OTUD5: variants seen among roughly 807,000 people sequenced by gnomAD.
OTUD5 encodes OTU domain-containing protein 5.
In OTUD5, 2 loss-of-function variants were observed where a neutral mutation model predicts 36.3. That is an observed-to-expected ratio of 0.06 (90% CI 0.02 to 0.17). The LOEUF (loss-of-function observed/expected upper bound fraction) is 0.17. Among genes scored for constraint, OTUD5 ranks in the 10% least tolerant of loss-of-function variants. OTUD5 has a pLI of 1.00. For missense variants in OTUD5, 233 were observed against 512.3 expected (o/e 0.45, Z 5.26); for synonymous variants, 234 against 214.9 (o/e 1.09, Z -0.78).
At chrX:48,927,321 C>T (rs1490245039) in intron 5 of OTUD5, among the ~76,000 whole-genome samples, 1 of 110,811 alleles carries the variant, frequency 9.0e-6, no homozygotes, top group African/African-American at 3.3e-5. Flanking sequence ...CACCTGGTGT[C>T]CATCCTCCAA....
In OTUD5 at chrX:48,957,034, G is replaced by A. The variant is rs782248683; in HGVS notation, c.537C>T (p.Asp179=). ...EEVGAGYNSE[D]EYEAAAARIE... is the part of the protein sequence containing the mutation. ...TGCGTGCTGCAGCCGCCTCATACTC[G>A]TCCTCACTGTTGTAGCCTGCGCCGA... The change falls in exon 1 of 9, where the codon GAC becomes GAT. Residue 179 remains aspartate, a synonymous_variant. Transcript: ENST00000376488. The A allele has an allele frequency of 5.0e-5, 60 of 1,199,068 alleles. No homozygotes were observed. The highest frequency in any genetic ancestry group is 6.3e-5 in the Non-Finnish European group (56 of 890,364).
rs2063596113 is a variant in OTUD5, at chrX:48,922,451, C to T, written c.*723G>A. On this transcript the variant is annotated 3_prime_UTR_variant, in exon 9 of 9. Transcript: ENST00000376488. ...TTTCATTGTCCAAGCCGGCCTGACA[C>T]CTGCCGCCCTGCCCTTGCCCAGTGC... The T allele has an allele frequency of 5.3e-5, 35 of 664,937 alleles. No homozygotes were observed. Among genetic ancestry groups the T allele is most frequent in the Non-Finnish European group, 5.4e-5 (30 of 559,085 alleles). 54.8% of individuals were successfully genotyped at this position (664,937 alleles called of 1,213,427 possible).
At chrX:48,936,516 G>C (rs1557050000) in intron 2 of OTUD5, among the ~76,000 whole-genome samples, 1 of 111,276 alleles carries the variant, frequency 9.0e-6, no homozygotes, top group African/African-American at 3.3e-5. Flanking sequence ...CAAAGTGCCT[G>C]GATTACAGGT....
At chrX:48,943,980 C>G (rs2063978341) in intron 2 of OTUD5, among the ~76,000 whole-genome samples, 1 of 111,987 alleles carries the variant, frequency 8.9e-6, no homozygotes, top group Admixed American at 9.5e-5. Context: ...CTTTATCATT[C>G]TTCTTGCTGT....
chrX:48,930,593 G>A (rs781945799), intron 5 of OTUD5, among the ~76,000 whole-genome samples: 2 of 112,062 alleles, frequency 1.8e-5, no homozygotes, highest in Middle Eastern at 4.7e-3. Context: ...ACCTGATATC[G>A]AAGAGCACAT....
Position 48,957,342 on chromosome X carries a change from C to G in OTUD5, c.229G>C (p.Ala77Pro). 1.8e-6 allele frequency: 2 copies of G among 1,130,637 alleles called. No individual in the cohort carries two copies. Among genetic ancestry groups the G allele is most frequent in the Non-Finnish European group, 2.3e-6 (2 of 863,982 alleles). The allele number at this position is 1,130,637 out of a possible 1,213,427, so 93.2% of individuals were successfully genotyped here. A position where few individuals can be genotyped will look rare whatever the true frequency, so the allele number is the denominator to read the frequency against. The stretch of plus-strand genomic sequence containing the variant: ...ACGGCCAGCGCCCAGCGATGAAGAG[C>G]GCCCGGCGGTCCTGGTAGCGGGCCT... ...PQGPLPGPPG[A>P]LHRWALAVPP... The change falls in exon 1 of 9, where the codon GCT becomes CCT. Residue 77 changes from alanine to proline, a missense_variant. Physicochemically the swap from Ala to Pro is conservative, Grantham distance 27 (BLOSUM62 -1). Transcript: ENST00000376488.
chrX:48,944,416 T>C (rs1407404925), intron 1 of OTUD5, 133 bp from the exon 2 acceptor site: 1 of 467,458 alleles, frequency 2.1e-6, no homozygotes, highest in African/African-American at 2.4e-5. Flanking sequence ...TCAGCCCTGT[T>C]TGACCACTCC....
At chrX:48,950,841 G>C (rs1441105850) in intron 1 of OTUD5, among the ~76,000 whole-genome samples, 3 of 109,817 alleles carry the variant, frequency 2.7e-5, no homozygotes, top group Non-Finnish European at 3.8e-5. Context: ...GGATTACAGG[G>C]GTGAGCCACC....
chrX:48,922,986 T>G lies in OTUD5; in HGVS notation c.*188A>C. On this transcript the variant is annotated 3_prime_UTR_variant, in exon 9 of 9. Transcript: ENST00000376488. The stretch of plus-strand genomic sequence containing the variant: ...GCACATCAGCTGGCAGAGAGACAGG[T>G]GATAGTGGCAGCGGCAATGAGAGAG... 9.3e-7 allele frequency: 1 copy of G among 1,075,569 alleles called. No homozygotes were observed. The highest frequency in any genetic ancestry group is 1.2e-6 in the Non-Finnish European group (1 of 831,231). 88.6% of individuals were successfully genotyped at this position (1,075,569 alleles called of 1,213,427 possible). A position where few individuals can be genotyped will look rare whatever the true frequency, so the allele number is the denominator to read the frequency against.
intron 5 of OTUD5, among the ~76,000 whole-genome samples, chrX:48,933,630 C>T (rs972543830): frequency 1.7e-4 from 19 of 111,109 alleles, no homozygotes; most frequent in Non-Finnish European, 3.4e-4. Flanking sequence ...GTTAGCCAGG[C>T]TGGTCTTGAA....
At position 48,957,225 on chromosome X, in the gene OTUD5, C is replaced by T; in HGVS notation, c.346G>A (p.Ala116Thr). The T allele has an allele frequency of 9.1e-7, 1 of 1,094,486 alleles. No individual in the cohort carries two copies. Among genetic ancestry groups the T allele is most frequent in the Non-Finnish European group, 1.2e-6 (1 of 848,134 alleles). The allele number at this position is 1,094,486 out of a possible 1,213,427, so 90.2% of individuals were successfully genotyped here. ...PGGPGGGPGDALGAAAAGVGA... is the reference protein window; with the variant it reads ...PGGPGGGPGDTLGAAAAGVGA... ...ACACCCGCCGCCGCTGCGCCCAGCG[C>T]GTCGCCGGGACCGCCGCCGGGACCA... Residue 116 changes from alanine (A) to threonine (T), a missense_variant, in exon 1 of 9, where the codon GCG (alanine) becomes ACG (threonine). Ala to Thr is a moderately conservative substitution (Grantham distance 58). Coordinates refer to ENST00000376488, the MANE Select transcript of OTUD5 (RefSeq NM_001136157.2).
At chrX:48,934,211 C>T (rs1379251287) in intron 5 of OTUD5, among the ~76,000 whole-genome samples, 2 of 111,759 alleles carry the variant, frequency 1.8e-5, no homozygotes, top group Non-Finnish European at 3.8e-5. Context: ...TAGGACTCCA[C>T]ATCCTAAAAT....
chrX:48,942,441 T>C (rs1311116922), intron 2 of OTUD5, among the ~76,000 whole-genome samples: 1 of 110,256 alleles, frequency 9.1e-6, no homozygotes, highest in African/African-American at 3.3e-5. Context: ...CATTCTCTAA[T>C]CCTAACTCCA....
At chrX:48,942,121 G>GACAC (rs374973562) in intron 2 of OTUD5, among the ~76,000 whole-genome samples, 1 of 108,259 alleles carries the variant, frequency 9.2e-6, no homozygotes, top group Non-Finnish European at 1.9e-5. Context: ...GATACATATA[G>GACAC]ACACACACAC....
At chrX:48,941,641 G>A (rs1158208685) in intron 2 of OTUD5, among the ~76,000 whole-genome samples, 1 of 109,917 alleles carries the variant, frequency 9.1e-6, no homozygotes, top group Non-Finnish European at 1.9e-5. Context: ...ACACAGCAGG[G>A]GTCAAGGAAA....
chrX:48,934,927 C>T (rs1557049591), intron 3 of OTUD5, 27 bp downstream of exon 3: 1 of 1,207,975 alleles, frequency 8.3e-7, no homozygotes, highest in South Asian at 1.8e-5. Flanking sequence ...CACCCTGCCC[C>T]TTCCCCAAAG....
At chrX:48,947,431 G>A (rs1479230725) in intron 1 of OTUD5, among the ~76,000 whole-genome samples, 4 of 109,889 alleles carry the variant, frequency 3.6e-5, no homozygotes, top group East Asian at 2.9e-4. Context: ...GGCCAGGCAC[G>A]GTGGTTCACA....
At position 48,936,537 on chromosome X, in the gene OTUD5, G is replaced by A. The variant is rs868945206; in HGVS notation, c.689-1519C>T. On this transcript the variant is annotated intron_variant, in intron 2 of 8. Coordinates refer to ENST00000376488, the MANE Select transcript of OTUD5 (RefSeq NM_001136157.2). ...GCCTGGATTACAGGTGTGAGCCACC[G>A]CGCCTGGCCCAACATGTTCTTTAAT... Among the ~76,000 whole-genome samples, 11 of 110,750 alleles carry A rather than the reference G, an allele frequency of 9.9e-5. No homozygotes were observed. The East Asian group carries it at 2.8e-3, about 28-fold the overall frequency.
chrX:48,923,784 T>C (rs1210940317), intron 7 of OTUD5, 38 bp from the exon 8 acceptor site: 4 of 1,181,303 alleles, frequency 3.4e-6, no homozygotes, highest in South Asian at 1.8e-5. Context: ...GGACCCAGGA[T>C]CCAGGACCCA....
Sources: gnomAD v4.1 joint callset for allele counts (sites outside exome capture counted in the v4.1 genomes callset) on GRCh38, gnomAD v4.1.1 for gene constraint, MANE v1.5 for transcripts, NCBI Gene and HGNC (gene_info 2026-07-23, HGNC 2026-07-21) for gene names.